Variants in SLC13A4 observed in about 807,000 individuals in gnomAD.
SLC13A4 encodes solute carrier family 13 member 4.
SLC13A4 carries 28 observed loss-of-function variants against 72.7 expected under a neutral mutation model. That is an observed-to-expected ratio of 0.39 (90% CI 0.29 to 0.53). SLC13A4 has a LOEUF of 0.53. Ranked by LOEUF, SLC13A4 falls within the 20% of genes least tolerant of loss-of-function variation. The pLI, the probability that SLC13A4 is intolerant of heterozygous loss-of-function variation, is 0.78. For synonymous variants in SLC13A4, 312 were observed against 325.5 expected (o/e 0.96, Z 0.45); for missense variants, 653 against 788.0 (o/e 0.83, Z 2.05).
intron 6 of SLC13A4, chr7:135,702,075 T>TAAA: frequency 1.1e-5 from 2 of 179,426 alleles, no homozygotes; most frequent in Non-Finnish European, 1.1e-5. Context: ...AAAAAGAAAA[T>TAAA]AAAAAAAAAA....
rs769764376 is a variant in SLC13A4 at position 135,691,086 on chromosome 7, C to T, written c.1446+115G>A. 1.2e-3 allele frequency: 1,049 copies of T among 901,836 alleles called. 2 individuals carry two copies. Among genetic ancestry groups the T allele is most frequent in the Non-Finnish European group, 1.5e-3 (923 of 627,362 alleles). The allele number at this position is 901,836 out of a possible 1,614,324, so 55.9% of individuals were successfully genotyped here. On this transcript the variant is annotated intron_variant, in intron 13 of 15. Transcript: ENST00000682651. Reference sequence around the variant, plus strand: ...GGCTGAGGCAAGAGAATCGCTTGAACCCAGGAGGCGGAGGTTGCAGTGAGC... The same window carrying T: ...GGCTGAGGCAAGAGAATCGCTTGAATCCAGGAGGCGGAGGTTGCAGTGAGC...
In SLC13A4 at chr7:135,702,938, G is replaced by A. The variant is rs1796074898; in HGVS notation, c.594-54C>T. Reference sequence around the variant, plus strand: ...ACGTCAGTGAGGCCGACTCTTGGGAGGGGAGGTCCCCCTGCATCAGGCGTT... The same window carrying A: ...ACGTCAGTGAGGCCGACTCTTGGGAAGGGAGGTCCCCCTGCATCAGGCGTT... On this transcript the variant is annotated intron_variant, in intron 5 of 15. Transcript: ENST00000682651. 35 of 1,366,438 alleles carry A rather than the reference G, an allele frequency of 2.6e-5. No individual in the cohort carries two copies. In the East Asian group the frequency reaches 7.6e-4, roughly 30 times the overall value. 84.6% of individuals were successfully genotyped at this position (1,366,438 alleles called of 1,614,324 possible).
In SLC13A4 at chr7:135,726,954, T is replaced by C. The variant is rs184131712; in HGVS notation, c.99+444A>G. 3.1e-3 allele frequency among the ~76,000 whole-genome samples: 475 copies of C among 152,218 alleles called. 4 individuals are homozygous for C. The highest frequency in any genetic ancestry group is 5.6e-3 in the Non-Finnish European group (384 of 68,008). Reference sequence around the variant, plus strand: ...CGGATTGGCTCCACGGTTCTCTTCCTCCCCCAACCTTCTCCTCAGTGCCAC... The same window carrying C: ...CGGATTGGCTCCACGGTTCTCTTCCCCCCCCAACCTTCTCCTCAGTGCCAC... On this transcript the variant is annotated intron_variant, in intron 1 of 15. Transcript: ENST00000682651.
At chr7:135,691,051 C>G (rs1199203705) in intron 13 of SLC13A4, 150 bp downstream of exon 13, 1 of 589,394 alleles carries the variant, frequency 1.7e-6, no homozygotes, top group Non-Finnish European at 2.7e-6. Flanking sequence ...GTAATCCCAG[C>G]TACTTGGGAG....
At chr7:135,705,796 G>C in intron 4 of SLC13A4, 146 bp from the exon 5 acceptor site, 1 of 703,046 alleles carries the variant, frequency 1.4e-6, no homozygotes, top group Admixed American at 2.3e-5. Flanking sequence ...TAAATAGAAT[G>C]GGGCTCATGG....
chr7:135,705,728 G>T, intron 4 of SLC13A4, 78 bp from the exon 5 acceptor site: 1 of 1,290,958 alleles, frequency 7.7e-7, no homozygotes, highest in Non-Finnish European at 1.1e-6. Flanking sequence ...TAGCTCAAGG[G>T]CTTAGGGCGG....
At chr7:135,688,457 A>G (rs973905987) in intron 13 of SLC13A4, among the ~76,000 whole-genome samples, 4 of 152,114 alleles carry the variant, frequency 2.6e-5, no homozygotes, top group Admixed American at 1.3e-4. Context: ...ACGTTTCACC[A>G]TGTTGGCCAG....
intron 13 of SLC13A4, among the ~76,000 whole-genome samples, chr7:135,686,632 A>T (rs1795631805): frequency 1.3e-5 from 2 of 152,240 alleles, no homozygotes; most frequent in South Asian, 4.1e-4. Context: ...TTGGTCTCCC[A>T]AAGTGCTGGG....
intron 15 of SLC13A4, chr7:135,683,801 G>A (rs1339238993): frequency 1.0e-6 from 1 of 984,694 alleles, no homozygotes; most frequent in Non-Finnish European, 1.2e-6. Context: ...GTCTCCACTG[G>A]CCTAATGAAG....
At chr7:135,692,247 C>G in intron 11 of SLC13A4, 76 bp downstream of exon 11, 1 of 1,018,080 alleles carries the variant, frequency 9.8e-7, no homozygotes, top group East Asian at 2.4e-5. Flanking sequence ...CATATCTGCC[C>G]CTGAGAGTCT....
chr7:135,696,645 G>A (rs1455748656), intron 8 of SLC13A4, among the ~76,000 whole-genome samples: 1 of 152,078 alleles, frequency 6.6e-6, no homozygotes, highest in Non-Finnish European at 1.5e-5. Context: ...GAGCCACAGT[G>A]CCCGTCCCCT....
chr7:135,708,993 G>A (rs1319944048), intron 2 of SLC13A4, among the ~76,000 whole-genome samples: 1 of 131,098 alleles, frequency 7.6e-6, no homozygotes, highest in African/African-American at 2.9e-5. Flanking sequence ...GCAGTGGTGC[G>A]ATCTCGGCTC....
rs142339083 is a variant in SLC13A4 at position 135,725,976 on chromosome 7, A to C, written c.99+1422T>G. On this transcript the variant is annotated intron_variant, in intron 1 of 15. Transcript: ENST00000682651. ...AGAGTGAGACTCTGCGTCTACAAAAAAAAGTTTGATGAAAGGGGTGACGGA... is the reference window on the plus strand; with the variant it reads ...AGAGTGAGACTCTGCGTCTACAAAACAAAGTTTGATGAAAGGGGTGACGGA... 3.3e-5 allele frequency among the ~76,000 whole-genome samples: 5 copies of C among 152,172 alleles called. No homozygotes were observed. The East Asian group carries it at 9.7e-4, about 29-fold the overall frequency.
At chr7:135,715,064 GTGTGTGTGTATGA>G (rs776318057) in intron 2 of SLC13A4, among the ~76,000 whole-genome samples, 2 of 72,232 alleles carry the variant, frequency 2.8e-5, no homozygotes, top group Non-Finnish European at 5.1e-5. Flanking sequence ...GTATGTGAAT[GTGTGTGTGTATGA>G]TGTGTGTGTA....
chr7:135,681,958 C>T (rs1039138940), intron 15 of SLC13A4, among the ~76,000 whole-genome samples: 2 of 152,186 alleles, frequency 1.3e-5, no homozygotes, highest in Admixed American at 1.3e-4. Flanking sequence ...ATGTTAGTTA[C>T]TTGGAACACC....
intron 2 of SLC13A4, among the ~76,000 whole-genome samples, chr7:135,720,102 A>G (rs1796515059): frequency 6.6e-6 from 1 of 152,170 alleles, no homozygotes; most frequent in Non-Finnish European, 1.5e-5. Flanking sequence ...GCCTAATTCT[A>G]TTTTTGGAAA....
chr7:135,699,803 G>A (rs1030429826), intron 7 of SLC13A4, among the ~76,000 whole-genome samples: 12 of 152,166 alleles, frequency 7.9e-5, no homozygotes, highest in African/African-American at 2.9e-4. Context: ...AAAGCGCTTA[G>A]AACACTTCCT....
At chr7:135,684,646 GTT>G (rs534173554) in intron 14 of SLC13A4, among the ~76,000 whole-genome samples, 20 of 132,452 alleles carry the variant, frequency 1.5e-4, no homozygotes, top group African/African-American at 3.6e-4. Context: ...AACTAAGGTG[GTT>G]TTTTTTTTTT....
At chr7:135,720,515 A>T (rs567206896) in intron 2 of SLC13A4, among the ~76,000 whole-genome samples, 1 of 150,162 alleles carries the variant, frequency 6.7e-6, no homozygotes, top group Non-Finnish European at 1.5e-5. Flanking sequence ...GCCTCTGCCC[A>T]TAACCTTACC....
Sources: allele counts gnomAD v4.1 joint callset (sites outside exome capture counted in the v4.1 genomes callset), GRCh38; gene constraint gnomAD v4.1.1; transcripts MANE v1.5; gene names NCBI Gene and HGNC (gene_info 2026-07-23, HGNC 2026-07-21).